SV2C: variants seen among roughly 807,000 people sequenced by gnomAD.
SV2C encodes solute carrier family 22 member B3.
SV2C carries 49 observed loss-of-function variants against 79.7 expected under a neutral mutation model. That is an observed-to-expected ratio of 0.61 (90% CI 0.49 to 0.78). SV2C has a LOEUF of 0.78. SV2C is among the 30% of genes least tolerant of loss of function. The probability of loss-of-function intolerance (pLI) is 0.00; values close to 1 mark genes in which losing one functional copy is unlikely to be tolerated. For synonymous variants in SV2C, 334 were observed against 333.2 expected (o/e 1.00, Z -0.03); for missense variants, 833 against 912.9 (o/e 0.91, Z 1.13).
At chr5:76,088,060 T>G (rs1580255762) in intron 1 of SV2C, among the ~76,000 whole-genome samples, 1 of 152,316 alleles carries the variant, frequency 6.6e-6, no homozygotes, top group East Asian at 1.9e-4. Flanking sequence ...CAGCCTCATT[T>G]TACATGAGCC....
At chr5:75,865,715 G>C in the SV2C span, among the ~76,000 whole-genome samples, 1 of 152,220 alleles carries the variant, frequency 6.6e-6, no homozygotes, top group Non-Finnish European at 1.5e-5. Flanking sequence ...GAAGCATGTG[G>C]ACCAACAAAT....
At chr5:75,985,742 A>T in the SV2C span, among the ~76,000 whole-genome samples, 1 of 152,020 alleles carries the variant, frequency 6.6e-6, no homozygotes, top group African/African-American at 2.4e-5. Context: ...ACTACTTAGT[A>T]ACAAAGTAGT....
chr5:75,916,229 C>T, the SV2C span, among the ~76,000 whole-genome samples: 21 of 145,444 alleles, frequency 1.4e-4, no homozygotes, highest in African/African-American at 5.4e-4. Flanking sequence ...CCTCCCCTTC[C>T]CCTTCTGGTT....
chr5:76,288,215 C>T (rs915484860), intron 6 of SV2C, among the ~76,000 whole-genome samples: 7 of 152,096 alleles, frequency 4.6e-5, no homozygotes, highest in African/African-American at 1.7e-4. Flanking sequence ...AATTACAGTT[C>T]TTAAAACACA....
chr5:75,987,721 G>C, the SV2C span, among the ~76,000 whole-genome samples: 1 of 151,942 alleles, frequency 6.6e-6, no homozygotes, highest in East Asian at 1.9e-4. Context: ...TGTTTTAAAT[G>C]ATAAAACAAG....
the SV2C span, among the ~76,000 whole-genome samples, chr5:75,987,215 A>G: frequency 2.6e-5 from 4 of 151,970 alleles, no homozygotes; most frequent in Admixed American, 2.6e-4. Context: ...AGTAGCAGGC[A>G]AATTTGTTAG....
intron 4 of SV2C, among the ~76,000 whole-genome samples, chr5:76,246,766 G>T (rs1277266408): frequency 1.3e-5 from 2 of 152,142 alleles, no homozygotes; most frequent in Admixed American, 6.5e-5. Flanking sequence ...TAGACACTAA[G>T]ACTCAGTGTC....
chr5:75,973,566 A>T, the SV2C span, among the ~76,000 whole-genome samples: 1 of 152,038 alleles, frequency 6.6e-6, no homozygotes, highest in Non-Finnish European at 1.5e-5. Flanking sequence ...CAGCTTATCA[A>T]TTGAAAGATA....
the SV2C span, among the ~76,000 whole-genome samples, chr5:75,849,041 C>G: frequency 6.9e-4 from 105 of 152,204 alleles, no homozygotes; most frequent in Admixed American, 6.7e-3. Context: ...TCCCTCATCC[C>G]CACCCCCACC....
intron 2 of SV2C, among the ~76,000 whole-genome samples, chr5:76,159,888 C>A (rs1307010442): frequency 6.6e-6 from 1 of 151,860 alleles, no homozygotes; most frequent in Non-Finnish European, 1.5e-5. Flanking sequence ...CTACAAGATA[C>A]AAAATTAATT....
chr5:75,913,029 A>T, the SV2C span, among the ~76,000 whole-genome samples: 1 of 152,222 alleles, frequency 6.6e-6, no homozygotes, highest in Non-Finnish European at 1.5e-5. Flanking sequence ...AATGGCCCTC[A>T]TTCATGGCAT....
intron 4 of SV2C, among the ~76,000 whole-genome samples, chr5:76,266,689 G>A (rs1311263870): frequency 6.6e-6 from 1 of 152,144 alleles, no homozygotes; most frequent in Non-Finnish European, 1.5e-5. Flanking sequence ...CGTTTCATGG[G>A]TAGAGTTTCA....
chr5:76,047,931 C>T, the SV2C span, among the ~76,000 whole-genome samples: 2 of 151,556 alleles, frequency 1.3e-5, no homozygotes, highest in African/African-American at 2.4e-5. Context: ...CCACCACTCC[C>T]GGCTAATTTT....
chr5:76,009,986 A>ATTTTTTTT, the SV2C span, among the ~76,000 whole-genome samples: 3 of 100,008 alleles, frequency 3.0e-5, no homozygotes, highest in African/African-American at 1.2e-4. Context: ...TTACTTATCT[A>ATTTTTTTT]TTTTGTTTTT....
chr5:76,210,191 A>G (rs965676919), intron 4 of SV2C, among the ~76,000 whole-genome samples: 1 of 152,200 alleles, frequency 6.6e-6, no homozygotes, highest in Non-Finnish European at 1.5e-5. Flanking sequence ...CAATTCTCCA[A>G]CAGCTGGGTG....
At chr5:76,239,080 T>C (rs1180082898) in intron 4 of SV2C, among the ~76,000 whole-genome samples, 1 of 149,108 alleles carries the variant, frequency 6.7e-6, no homozygotes, top group Non-Finnish European at 1.5e-5. Context: ...AGGGAATAAA[T>C]AGTCTTCCCC....
the SV2C span, among the ~76,000 whole-genome samples, chr5:76,067,713 A>C: frequency 1.3e-5 from 2 of 152,062 alleles, no homozygotes; most frequent in African/African-American, 2.4e-5. Flanking sequence ...CAGATTTTCC[A>C]TTCAAGAGTA....
intron 3 of SV2C, 54 bp from the exon 4 acceptor site, chr5:76,209,682 C>T: frequency 6.5e-7 from 1 of 1,546,226 alleles, no homozygotes; most frequent in Non-Finnish European, 8.8e-7. Context: ...CCCTTTGCGT[C>T]TCACATGAGC....
At chr5:76,094,094 G>GTAAA (rs1201807180) in intron 1 of SV2C, among the ~76,000 whole-genome samples, 12 of 152,116 alleles carry the variant, frequency 7.9e-5, no homozygotes, top group Admixed American at 2.6e-4. Flanking sequence ...AAACAAACAA[G>GTAAA]TAAATAAATA....
Sources: allele counts gnomAD v4.1 joint callset (sites outside exome capture counted in the v4.1 genomes callset), GRCh38; gene constraint gnomAD v4.1.1; transcripts MANE v1.5; gene names NCBI Gene and HGNC (gene_info 2026-07-23, HGNC 2026-07-21).